Variants in PLXDC2 observed in about 807,000 individuals in gnomAD.
The protein encoded by PLXDC2 is plexin domain-containing protein 2.
In PLXDC2, 40 loss-of-function variants were observed where a neutral mutation model predicts 68.9. The ratio of observed to expected loss-of-function variants is 0.58; its 90% confidence interval spans 0.45 to 0.76. The LOEUF is 0.76. PLXDC2 is among the 30% of genes least tolerant of loss of function. PLXDC2 has a pLI of 0.00. For synonymous variants in PLXDC2, 243 were observed against 234.2 expected, an observed-to-expected ratio of 1.04 and a Z score of -0.34; for missense variants, 644 against 661.9, an observed-to-expected ratio of 0.97 and a Z score of 0.30.
chr10:20,189,476 CATATATATATATAT>C (rs59999548), intron 9 of PLXDC2, among the ~76,000 whole-genome samples: 3 of 75,808 alleles, frequency 4.0e-5, no homozygotes, highest in African/African-American at 1.0e-4. Flanking sequence ...AAAGGTAGGC[CATATATATATATAT>C]ATATATATAT....
intron 1 of PLXDC2, among the ~76,000 whole-genome samples, chr10:19,990,790 G>C (rs945457748): frequency 1.3e-5 from 2 of 152,144 alleles, no homozygotes; most frequent in South Asian, 4.1e-4. Flanking sequence ...ATTTAGGAAA[G>C]CAATGTCAGA....
At chr10:20,124,039 C>T (rs189064145) in intron 4 of PLXDC2, among the ~76,000 whole-genome samples, 41 of 151,798 alleles carry the variant, frequency 2.7e-4, no homozygotes, top group African/African-American at 5.3e-4. Flanking sequence ...TGTAGAGACA[C>T]GGAGAGAAGG....
At chr10:19,919,818 TAA>T (rs1436913714) in intron 1 of PLXDC2, among the ~76,000 whole-genome samples, 2 of 152,196 alleles carry the variant, frequency 1.3e-5, no homozygotes, top group Non-Finnish European at 2.9e-5. Context: ...AAGGTGATTG[TAA>T]AAGTTACTAT....
intron 13 of PLXDC2, among the ~76,000 whole-genome samples, chr10:20,274,740 A>G (rs1213275475): frequency 6.6e-6 from 1 of 152,180 alleles, no homozygotes; most frequent in East Asian, 1.9e-4. Context: ...AAAGAGATAC[A>G]GCCACACACA....
chr10:20,022,081 C>T (rs1835321096), intron 2 of PLXDC2, among the ~76,000 whole-genome samples: 2 of 152,210 alleles, frequency 1.3e-5, no homozygotes. Flanking sequence ...TGTATTGTAG[C>T]AGCAGACTAG....
intron 1 of PLXDC2, among the ~76,000 whole-genome samples, chr10:19,838,558 G>A (rs1836841536): frequency 6.6e-6 from 1 of 152,200 alleles, no homozygotes; most frequent in East Asian, 1.9e-4. Context: ...TGTGAGCTCA[G>A]ATGAACTGAA....
In PLXDC2 at chr10:20,168,504, A is replaced by G. The variant is rs1195633756; in HGVS notation, c.883+3937A>G. Among the ~76,000 whole-genome samples the G allele has an allele frequency of 2.0e-5, 3 of 152,276 alleles. No individual in the cohort carries two copies. In the East Asian group the frequency reaches 5.8e-4, roughly 29 times the overall value. ...AACACAGTGACAGTGTGTCTCTGGA[A>G]CTTCAGTGCTTTCTGACTATGTTGA... On this transcript the variant is annotated intron_variant, in intron 7 of 13. Transcript: ENST00000377252.
chr10:20,044,798 T>G (rs1835768016), intron 2 of PLXDC2, among the ~76,000 whole-genome samples: 1 of 152,192 alleles, frequency 6.6e-6, no homozygotes, highest in Non-Finnish European at 1.5e-5. Context: ...TATCTGCTCA[T>G]GCATGCCACC....
chr10:19,976,906 C>A (rs115968830), intron 1 of PLXDC2, among the ~76,000 whole-genome samples: 82 of 149,048 alleles, frequency 5.5e-4, no homozygotes, highest in African/African-American at 1.9e-3. Context: ...TTTAATCCTT[C>A]TTTTATTCCT....
intron 13 of PLXDC2, among the ~76,000 whole-genome samples, chr10:20,267,909 TATC>T (rs1408737496): frequency 3.9e-5 from 6 of 151,918 alleles, no homozygotes; most frequent in African/African-American, 1.4e-4. Flanking sequence ...GCTCACATAA[TATC>T]ATTACCATGG....
intron 2 of PLXDC2, among the ~76,000 whole-genome samples, 187 bp from the exon 3 acceptor site, chr10:20,046,682 C>A (rs968546632): frequency 3.3e-5 from 5 of 151,968 alleles, no homozygotes; most frequent in Admixed American, 3.3e-4. Context: ...ACATTTTTTT[C>A]TTACAGTTCG....
At chr10:20,059,118 C>G (rs10740962) in intron 3 of PLXDC2, among the ~76,000 whole-genome samples, 3 of 152,024 alleles carry the variant, frequency 2.0e-5, no homozygotes, top group Admixed American at 6.6e-5. Context: ...ATTTGCACCT[C>G]GAGGTTTGAG....
intron 2 of PLXDC2, among the ~76,000 whole-genome samples, chr10:20,033,017 A>G (rs1835525284): frequency 7.7e-6 from 1 of 129,934 alleles, no homozygotes; most frequent in Non-Finnish European, 1.6e-5. Flanking sequence ...GGAACATCAC[A>G]CACCGGGGCC....
At chr10:19,967,659 G>A (rs1027051015) in intron 1 of PLXDC2, among the ~76,000 whole-genome samples, 11 of 152,152 alleles carry the variant, frequency 7.2e-5, no homozygotes, top group African/African-American at 2.7e-4. Flanking sequence ...GTACAAATGA[G>A]CGATGTTACA....
intron 4 of PLXDC2, among the ~76,000 whole-genome samples, chr10:20,116,583 G>A (rs1348329151): frequency 6.6e-6 from 1 of 152,014 alleles, no homozygotes; most frequent in African/African-American, 2.4e-5. Flanking sequence ...TTAAGGGAAT[G>A]GAAAAATAAG....
At chr10:20,217,349 C>G in intron 10 of PLXDC2, 77 bp from the exon 11 acceptor site, 3 of 1,348,414 alleles carry the variant, frequency 2.2e-6, no homozygotes, top group Non-Finnish European at 3.0e-6. Flanking sequence ...TGCTTTACAG[C>G]CCAGCTTCTT....
intron 5 of PLXDC2, among the ~76,000 whole-genome samples, chr10:20,146,488 T>TTTCTTTCCTTCC (rs1834081465): frequency 1.2e-5 from 1 of 81,334 alleles, no homozygotes; most frequent in African/African-American, 4.4e-5. Flanking sequence ...TTCTTTTCTT[T>TTTCTTTCCTTCC]TTCCTTCCTT....
intron 1 of PLXDC2, among the ~76,000 whole-genome samples, chr10:19,854,116 G>T (rs1837170409): frequency 6.6e-6 from 1 of 152,118 alleles, no homozygotes; most frequent in African/African-American, 2.4e-5. Flanking sequence ...GCCACAACTG[G>T]GTGTCTTACA....
intron 1 of PLXDC2, among the ~76,000 whole-genome samples, chr10:19,873,498 A>T (rs72784150): frequency 0.051 from 7,617 of 148,342 alleles, 377 homozygotes; most frequent in East Asian, 0.19. Context: ...GCAGCCTCAA[A>T]CTCCTGGGTT....
Sources: gnomAD v4.1 joint callset for allele counts (sites outside exome capture counted in the v4.1 genomes callset) on GRCh38, gnomAD v4.1.1 for gene constraint, MANE v1.5 for transcripts, NCBI Gene and HGNC (gene_info 2026-07-23, HGNC 2026-07-21) for gene names.